Variants in MACROD2 observed in about 807,000 individuals in gnomAD.
The protein encoded by MACROD2 is ADP-ribose glycohydrolase MACROD2.
MACROD2 carries 36 observed loss-of-function variants against 70.4 expected under a neutral mutation model. The observed-to-expected ratio is 0.51, with a 90% confidence interval of 0.39 to 0.68. MACROD2 has a LOEUF of 0.68. Ranked by LOEUF, MACROD2 falls within the 30% of genes least tolerant of loss-of-function variation. MACROD2 has a pLI of 0.00. For missense variants in MACROD2, 496 were observed against 538.4 expected, an observed-to-expected ratio of 0.92 and a Z score of 0.78; for synonymous variants, 172 against 178.8, an observed-to-expected ratio of 0.96 and a Z score of 0.30.
At chr20:14,815,059 A>G (rs1411582219) in intron 5 of MACROD2, among the ~76,000 whole-genome samples, 2 of 152,018 alleles carry the variant, frequency 1.3e-5, no homozygotes, top group Non-Finnish European at 2.9e-5. Context: ...GTAGTAGTCA[A>G]CTCCATTGCA....
Position 14,745,054 on chromosome 20 carries a change from T to A in MACROD2, c.418+60095T>A, listed in dbSNP as rs549929671. Among the ~76,000 whole-genome samples, 4 of 152,298 alleles carry A rather than the reference T, an allele frequency of 2.6e-5. No individual in the cohort carries two copies. In the South Asian group the frequency reaches 8.3e-4, roughly 32 times the overall value. On this transcript the variant is annotated intron_variant, in intron 5 of 17. Transcript: ENST00000684519. ...CTCCAGCAATCATAAGGAGGTAGCA[T>A]TAGCTATCCTATATTAGATTTCTTC...
chr20:14,580,272 T>C (rs1980920951), intron 4 of MACROD2, among the ~76,000 whole-genome samples: 1 of 152,196 alleles, frequency 6.6e-6, no homozygotes, highest in Non-Finnish European at 1.5e-5. Flanking sequence ...CGATCATCCC[T>C]GGGTAGTTAT....
intron 5 of MACROD2, chr20:14,892,617 T>C (rs1600778971): frequency 1.3e-5 from 2 of 152,208 alleles, no homozygotes; most frequent in Non-Finnish European, 2.9e-5. Context: ...CACGTTGTTA[T>C]GCAATAGATC....
At chr20:15,785,836 C>T (rs535909420) in intron 8 of MACROD2, among the ~76,000 whole-genome samples, 1 of 151,918 alleles carries the variant, frequency 6.6e-6, no homozygotes, top group South Asian at 2.1e-4. Flanking sequence ...ACTTTTGGAC[C>T]AGTTGAAAAA....
At chr20:15,129,709 G>A (rs1427319615) in intron 5 of MACROD2, among the ~76,000 whole-genome samples, 2 of 151,974 alleles carry the variant, frequency 1.3e-5, no homozygotes, top group African/African-American at 4.8e-5. Context: ...GATTACTATG[G>A]TTGCTTCTTT....
At chr20:14,586,938 A>C (rs1981423299) in intron 4 of MACROD2, among the ~76,000 whole-genome samples, 1 of 151,968 alleles carries the variant, frequency 6.6e-6, no homozygotes, top group Non-Finnish European at 1.5e-5. Context: ...TTTTGACATA[A>C]TATATTTTTT....
intron 4 of MACROD2, among the ~76,000 whole-genome samples, chr20:14,648,640 ATC>A (rs111987739): frequency 1.5e-4 from 22 of 151,626 alleles, no homozygotes; most frequent in African/African-American, 4.6e-4. Flanking sequence ...ATATATATCT[ATC>A]TATCTCACAT....
At chr20:15,786,143 A>G (rs888755530) in intron 8 of MACROD2, among the ~76,000 whole-genome samples, 1 of 146,744 alleles carries the variant, frequency 6.8e-6, no homozygotes, top group Non-Finnish European at 1.5e-5. Flanking sequence ...GATGAATTTG[A>G]GAAAATCTTA....
chr20:14,355,356 A>C lies in MACROD2; in HGVS notation c.272-138123A>C, dbSNP rs941855931. 2.6e-5 allele frequency among the ~76,000 whole-genome samples: 4 copies of C among 152,218 alleles called. No homozygotes were observed. The East Asian group carries it at 5.8e-4, about 22-fold the overall frequency. ...ACTCTGACTAGGAGTGTAAAGTGATAACTTTCTGGAAATATGTTGCAAAGA... is the reference window on the plus strand; with the variant it reads ...ACTCTGACTAGGAGTGTAAAGTGATCACTTTCTGGAAATATGTTGCAAAGA... On this transcript the variant is annotated intron_variant, in intron 3 of 17. Transcript: ENST00000684519.
intron 2 of MACROD2, among the ~76,000 whole-genome samples, chr20:14,071,571 T>C (rs547725539): frequency 1.1e-4 from 16 of 152,220 alleles, no homozygotes; most frequent in Middle Eastern, 3.4e-3. Flanking sequence ...GACCATTTCA[T>C]CTTGATTAAA....
intron 5 of MACROD2, among the ~76,000 whole-genome samples, chr20:14,926,262 A>T (rs1385755618): frequency 6.6e-6 from 1 of 152,048 alleles, no homozygotes; most frequent in East Asian, 1.9e-4. Flanking sequence ...AAAAATAGGG[A>T]GCACTGGCCA....
chr20:14,739,930 T>C (rs2071713487), intron 5 of MACROD2, among the ~76,000 whole-genome samples: 3 of 151,986 alleles, frequency 2.0e-5, no homozygotes, highest in Admixed American at 6.6e-5. Context: ...AATGAGATGA[T>C]AGTATGTAAA....
chr20:14,515,465 G>GCGCACACACA (rs1369248292), intron 4 of MACROD2, among the ~76,000 whole-genome samples: 2,892 of 127,130 alleles, frequency 0.023, 48 homozygotes, highest in Middle Eastern at 0.032. Context: ...ACACACACAC[G>GCGCACACACA]CACACACACA....
At position 15,201,506 on chromosome 20, in the gene MACROD2, A is replaced by G. The variant is rs576455908; in HGVS notation, c.419-28434A>G. ...TGCTTATTATTGCAATAGGTGACTT[A>G]GCCAATACGTGCAACTGTCACACAT... On this transcript the variant is annotated intron_variant, in intron 5 of 17. Coordinates refer to ENST00000684519, the MANE Select transcript of MACROD2 (RefSeq NM_001351661.2). Among the ~76,000 whole-genome samples the G allele has an allele frequency of 2.0e-5, 3 of 152,322 alleles. No individual in the cohort carries two copies. The South Asian group carries it at 6.2e-4, about 32-fold the overall frequency.
At chr20:15,207,284 A>G (rs1221244194) in intron 5 of MACROD2, among the ~76,000 whole-genome samples, 1 of 152,032 alleles carries the variant, frequency 6.6e-6, no homozygotes, top group Non-Finnish European at 1.5e-5. Flanking sequence ...CCTTTGTCTG[A>G]GAATGTCTTC....
chr20:14,669,598 A>T (rs527901853), intron 4 of MACROD2, among the ~76,000 whole-genome samples: 2 of 152,188 alleles, frequency 1.3e-5, no homozygotes, highest in Non-Finnish European at 2.9e-5. Context: ...ATCTTTCTCC[A>T]TAGATCTCAT....
Position 15,645,489 on chromosome 20 carries a change from C to A in MACROD2, c.645+145642C>A, listed in dbSNP as rs550979181. ...GGAGTTTTCTCTGCAAATCCTTTTT[C>A]TCTGAAAAACTCGGAAAAGCTCACT... On this transcript the variant is annotated intron_variant, in intron 8 of 17. Transcript: ENST00000684519. 3.3e-5 allele frequency among the ~76,000 whole-genome samples: 5 copies of A among 152,280 alleles called. No individual in the cohort carries two copies. In the South Asian group the frequency reaches 8.3e-4, roughly 25 times the overall value.
At chr20:15,232,666 G>A (rs1658674647) in intron 6 of MACROD2, among the ~76,000 whole-genome samples, 1 of 151,948 alleles carries the variant, frequency 6.6e-6, no homozygotes, top group African/African-American at 2.4e-5. Flanking sequence ...GCAATTTAAG[G>A]AAATATCACT....
chr20:14,462,888 G>T (rs75835275), intron 3 of MACROD2, among the ~76,000 whole-genome samples: 30 of 151,626 alleles, frequency 2.0e-4, no homozygotes, highest in African/African-American at 6.8e-4. Flanking sequence ...TGTTCCATTG[G>T]TCTATATCTC....
Sources: allele counts gnomAD v4.1 joint callset (sites outside exome capture counted in the v4.1 genomes callset), GRCh38; gene constraint gnomAD v4.1.1; transcripts MANE v1.5; gene names NCBI Gene and HGNC (gene_info 2026-07-23, HGNC 2026-07-21).